Variants in SLC12A3 observed in about 807,000 individuals in gnomAD.
SLC12A3 encodes Na-Cl cotransporter.
SLC12A3 carries 104 observed loss-of-function variants against 121.0 expected under a neutral mutation model. That is an observed-to-expected ratio of 0.86 (90% CI 0.73 to 1.01). The LOEUF (loss-of-function observed/expected upper bound fraction) is 1.01. SLC12A3 is among the 50% of genes least tolerant of loss of function. SLC12A3 has a pLI of 0.00. For missense variants in SLC12A3, 1,328 were observed against 1,356.3 expected (o/e 0.98, Z 0.33); for synonymous variants, 536 against 533.4 (o/e 1.00, Z -0.07).
At chr16:56,879,688 G>A (rs1462935011) in intron 11 of SLC12A3, 39 bp downstream of exon 11, 2 of 1,509,020 alleles carry the variant, frequency 1.3e-6, no homozygotes, top group South Asian at 2.2e-5. Context: ...CAGGGGGTGG[G>A]GAGCCTGGGC....
chr16:56,887,203 G>A, intron 17 of SLC12A3, 110 bp downstream of exon 17: 4 of 1,417,362 alleles, frequency 2.8e-6, no homozygotes, highest in Non-Finnish European at 1.9e-6. Flanking sequence ...TGCAGAAGGA[G>A]CCCCAACTTT....
At chr16:56,900,430 C>T (rs1394645643) in intron 23 of SLC12A3, among the ~76,000 whole-genome samples, 1 of 152,196 alleles carries the variant, frequency 6.6e-6, no homozygotes, top group East Asian at 1.9e-4. Context: ...TTGCGAAAGG[C>T]TGGCCTTGAT....
At chr16:56,892,609 A>G (rs777123080) in intron 20 of SLC12A3, among the ~76,000 whole-genome samples, 32 of 152,168 alleles carry the variant, frequency 2.1e-4, no homozygotes, top group Admixed American at 3.9e-4. Flanking sequence ...CTCTCCCACC[A>G]TCACTCCGGG....
chr16:56,872,326 CTCTG>C (rs2055107847), intron 6 of SLC12A3, 21 bp from the exon 7 acceptor site: 1 of 1,546,176 alleles, frequency 6.5e-7, no homozygotes, highest in African/African-American at 1.4e-5. Context: ...ACTATCTGAC[CTCTG>C]GGGTCCTTCG....
At chr16:56,892,258 T>C (rs2055398824) in intron 20 of SLC12A3, 125 bp downstream of exon 20, 1 of 853,150 alleles carries the variant, frequency 1.2e-6, no homozygotes, top group East Asian at 2.5e-5. Flanking sequence ...GGTTTTTTCT[T>C]GTGACGGTGG....
rs111951244 is a variant in SLC12A3 at position 56,912,994 on chromosome 16, G to C, written c.2925-270G>C. Among the ~76,000 whole-genome samples, 2,672 of 152,294 alleles carry C rather than the reference G, an allele frequency of 0.018. 76 individuals carry two copies. The highest frequency in any genetic ancestry group is 0.062 in the African/African-American group (2,561 of 41,550). ...GCCACAGGGCATCGGGGGTGAGCAA[G>C]GCGAGGGTGGGAGGAGGTGAGGTCG... is the stretch of plus-strand genomic sequence containing the variant. On this transcript the variant is annotated intron_variant, in intron 25 of 25. Transcript: ENST00000563236.
At chr16:56,900,549 G>T (rs1421378476) in intron 23 of SLC12A3, among the ~76,000 whole-genome samples, 4 of 67,672 alleles carry the variant, frequency 5.9e-5, no homozygotes, top group African/African-American at 4.4e-4. Context: ...ATTTATTTAT[G>T]AGATAGAGTC....
intron 24 of SLC12A3, among the ~76,000 whole-genome samples, chr16:56,903,950 G>A (rs1433460143): frequency 6.6e-6 from 1 of 152,230 alleles, no homozygotes; most frequent in Non-Finnish European, 1.5e-5. Flanking sequence ...CAGGCCCTCT[G>A]CCGGGTGCTT....
chr16:56,909,557 C>T (rs905343415), intron 25 of SLC12A3, among the ~76,000 whole-genome samples: 17 of 152,138 alleles, frequency 1.1e-4, no homozygotes, highest in African/African-American at 4.1e-4. Flanking sequence ...CACCCCATGC[C>T]AGTAGCTACA....
At chr16:56,887,186 C>T (rs2055326230) in intron 17 of SLC12A3, 93 bp downstream of exon 17, 3 of 1,546,970 alleles carry the variant, frequency 1.9e-6, no homozygotes, top group South Asian at 1.2e-5. Context: ...GCTTAAGCCC[C>T]TTTTGCTGCA....
Position 56,899,527 on chromosome 16 carries a change from C to T in SLC12A3, c.2634-3C>T, listed in dbSNP as rs1180689698. 1 of 1,611,366 alleles carries T rather than the reference C, an allele frequency of 6.2e-7. No homozygotes were observed. The highest frequency in any genetic ancestry group is 8.5e-7 in the Non-Finnish European group (1 of 1,177,436). On this transcript the variant is annotated splice_region_variant and splice_polypyrimidine_tract_variant and intron_variant, in intron 22 of 25. Transcript: ENST00000563236. ...AACAATAAACCCTCCATGTGTCCTC[C>T]AGGATCATTTCTCTGCTGAGCAAGT...
intron 8 of SLC12A3, among the ~76,000 whole-genome samples, chr16:56,874,322 A>G (rs1256525505): frequency 1.3e-5 from 2 of 152,200 alleles, no homozygotes; most frequent in East Asian, 3.8e-4. Context: ...TGGGTGCAGG[A>G]GGCGCCAGAG....
chr16:56,899,592 T>C lies in SLC12A3; in HGVS notation c.2696T>C (p.Ile899Thr), dbSNP rs1481607874. The C allele has an allele frequency of 3.7e-6, 6 of 1,614,108 alleles. No individual in the cohort carries two copies. Among genetic ancestry groups the C allele is most frequent in the Admixed American group, 3.3e-5 (2 of 60,026 alleles). ...GFHEVHILPD[I>T]NQNPRAEHTK... ...CATGAAGTCCACATCCTCCCTGACATCAACCAGAACCCTCGGGCTGAGCAG... is the reference window on the plus strand; with the variant it reads ...CATGAAGTCCACATCCTCCCTGACACCAACCAGAACCCTCGGGCTGAGCAG... Residue 899 changes from isoleucine to threonine, a missense_variant, in exon 23 of 26, where the codon ATC becomes ACC. Transcript: ENST00000563236.
At chr16:56,896,540 G>T (rs1490089813) in intron 22 of SLC12A3, among the ~76,000 whole-genome samples, 1 of 152,130 alleles carries the variant, frequency 6.6e-6, no homozygotes, top group Middle Eastern at 3.2e-3. Flanking sequence ...TGAGGCCAAG[G>T]GTTTGAGACC....
rs3816118 is a variant in SLC12A3, at chr16:56,904,377, C to T, written c.2857-18C>T. On this transcript the variant is annotated intron_variant, in intron 24 of 25. Transcript: ENST00000563236. Reference sequence around the variant, plus strand: ...CTCGATGATATGGGAAGTGACCACTCGGCTTTCTCCCGCCCAGTCCCTTCG... The same window carrying T: ...CTCGATGATATGGGAAGTGACCACTTGGCTTTCTCCCGCCCAGTCCCTTCG... 2.4e-3 allele frequency: 3,800 copies of T among 1,613,312 alleles called. 142 individuals are homozygous for T. The East Asian group carries it at 0.074, about 31-fold the overall frequency.
chr16:56,894,663 T>TG (rs1567442968), intron 22 of SLC12A3, 21 bp downstream of exon 22: 2 of 1,572,920 alleles, frequency 1.3e-6, no homozygotes, highest in East Asian at 2.2e-5. Flanking sequence ...AGGGCTGGCC[T>TG]GGGGGTGACT....
chr16:56,868,399 G>T (rs778476422), intron 3 of SLC12A3, 27 bp downstream of exon 3: 60 of 1,596,776 alleles, frequency 3.8e-5, no homozygotes, highest in Non-Finnish European at 5.0e-5. Flanking sequence ...GGAAGAGGAG[G>T]GAGGGCTTGC....
chr16:56,870,230 C>T lies in SLC12A3; in HGVS notation c.736C>T (p.Leu246Phe). ...VGFAETVRDL[L>F]QEYGAPIVDP... Reference sequence around the variant, plus strand: ...CTTTGCAGAGACCGTGCGGGACCTGCTCCAGGTGAGGCCGGGGGGCTGGAC... The same window carrying T: ...CTTTGCAGAGACCGTGCGGGACCTGTTCCAGGTGAGGCCGGGGGGCTGGAC... The change falls in exon 5 of 26, where the codon CTC (leucine) becomes TTC (phenylalanine). Residue 246 changes from leucine to phenylalanine, a missense_variant. Leu to Phe is a conservative substitution (Grantham distance 22). Transcript: ENST00000563236. 1 of 1,613,280 alleles carries T rather than the reference C, an allele frequency of 6.2e-7. No homozygotes were observed. Among genetic ancestry groups the T allele is most frequent in the Non-Finnish European group, 8.5e-7 (1 of 1,179,966 alleles).
At position 56,913,266 on chromosome 16, in the gene SLC12A3, C is replaced by T; in HGVS notation, c.2927C>T (p.Thr976Ile). The T allele has an allele frequency of 1.2e-6, 2 of 1,614,140 alleles. No homozygotes were observed. Among genetic ancestry groups the T allele is most frequent in the Non-Finnish European group, 1.7e-6 (2 of 1,180,022 alleles). ...YSRDAALIVI[T>I]LPIGRKGKCP... ...TACCACTTTTTCATGCCTTGCAGCA[C>T]TTTGCCCATAGGGAGGAAGGGGAAG... Residue 976 changes from threonine (T) to isoleucine (I), a missense_variant and splice_region_variant, in exon 26 of 26, where the codon ACT (threonine) becomes ATT (isoleucine). Physicochemically the swap from Thr to Ile is moderately conservative, Grantham distance 89 (BLOSUM62 -1). Transcript: ENST00000563236.
Sources: gnomAD v4.1 joint callset for allele counts (sites outside exome capture counted in the v4.1 genomes callset) on GRCh38, gnomAD v4.1.1 for gene constraint, MANE v1.5 for transcripts, NCBI Gene and HGNC (gene_info 2026-07-23, HGNC 2026-07-21) for gene names.